CDH13: variants seen among roughly 807,000 people sequenced by gnomAD.
The protein encoded by CDH13 is cadherin 13, also known as cadherin-13.
In CDH13, 24 loss-of-function variants were observed where a neutral mutation model predicts 63.8. That is an observed-to-expected ratio of 0.38 (90% CI 0.27 to 0.53). CDH13 has a LOEUF of 0.53. Ranked by LOEUF, CDH13 falls within the 20% of genes least tolerant of loss-of-function variation. The pLI, the probability that CDH13 is intolerant of heterozygous loss-of-function variation, is 0.85. For missense variants in CDH13, 1,049 were observed against 903.1 expected, an observed-to-expected ratio of 1.16 and a Z score of -2.07; for synonymous variants, 503 against 355.3, an observed-to-expected ratio of 1.42 and a Z score of -4.67.
rs1407762534 is a variant in CDH13 at position 83,047,397 on chromosome 16, C to T, written c.366+15179C>T. Among the ~76,000 whole-genome samples, 5 of 152,144 alleles carry T rather than the reference C, an allele frequency of 3.3e-5. No homozygotes were observed. Among genetic ancestry groups the T allele is most frequent in the Non-Finnish European group, 7.3e-5 (5 of 68,044 alleles). ...GCTTTTTTATTCCAAGTCCCTTATT[C>T]GATTTGGCCCTTGTTAACAAAGCCT... On this transcript the variant is annotated intron_variant, in intron 3 of 13. Transcript: ENST00000567109. This position sits in a 1 kb window ranked among gnomAD's most constrained non-coding sequence, Gnocchi z 4.9.
intron 11 of CDH13, among the ~76,000 whole-genome samples, chr16:83,771,537 A>G (rs1349906828): frequency 3.3e-5 from 5 of 152,188 alleles, no homozygotes; most frequent in East Asian, 1.9e-4. Context: ...CATGAAGCAA[A>G]AGCACCGCCA....
intron 2 of CDH13, among the ~76,000 whole-genome samples, chr16:82,937,073 G>C (rs1180647855): frequency 6.6e-6 from 1 of 152,156 alleles, no homozygotes; most frequent in Non-Finnish European, 1.5e-5. Context: ...GGCAACTGCA[G>C]AGCTCTCCAT....
intron 6 of CDH13, among the ~76,000 whole-genome samples, chr16:83,459,282 G>T (rs571096231): frequency 2.0e-5 from 3 of 152,356 alleles, no homozygotes; most frequent in African/African-American, 7.2e-5. Flanking sequence ...ACCTTTTAAT[G>T]CTTAATGAGC....
chr16:83,623,266 A>G (rs1909977276), intron 8 of CDH13, among the ~76,000 whole-genome samples: 1 of 152,146 alleles, frequency 6.6e-6, no homozygotes, highest in Non-Finnish European at 1.5e-5. Flanking sequence ...CCAGGAAGCC[A>G]TGCATTTCCC....
At chr16:82,736,778 G>A (rs2033695545) in intron 1 of CDH13, among the ~76,000 whole-genome samples, 2 of 152,036 alleles carry the variant, frequency 1.3e-5, no homozygotes, top group Non-Finnish European at 2.9e-5. Context: ...ACTCCTTCGG[G>A]CAATTTGATC....
intron 5 of CDH13, among the ~76,000 whole-genome samples, chr16:83,293,909 A>G (rs1011723538): frequency 4.6e-5 from 7 of 152,184 alleles, no homozygotes; most frequent in Admixed American, 4.6e-4. Context: ...TGCCCTTAGC[A>G]TGTATTATCT....
intron 1 of CDH13, among the ~76,000 whole-genome samples, chr16:82,715,915 A>C (rs530653894): frequency 1.3e-5 from 2 of 152,156 alleles, no homozygotes; most frequent in Non-Finnish European, 2.9e-5. Flanking sequence ...TAGCCACATC[A>C]CAGTGTTACC....
rs541028247 is a variant in CDH13, at chr16:82,643,642, A to G, written c.45+16505A>G. Among the ~76,000 whole-genome samples the G allele has an allele frequency of 5.9e-5, 9 of 152,302 alleles. No individual in the cohort carries two copies. In the South Asian group the frequency reaches 1.0e-3, roughly 18 times the overall value. Reference sequence around the variant, plus strand: ...TGCTGATTTGTAAAGTGAATTAAGAACCATCTTTTGCCTCACTGGTTATTA... The same window carrying G: ...TGCTGATTTGTAAAGTGAATTAAGAGCCATCTTTTGCCTCACTGGTTATTA... On this transcript the variant is annotated intron_variant, in intron 1 of 13. Coordinates refer to ENST00000567109, the MANE Select transcript of CDH13 (RefSeq NM_001257.5).
At chr16:83,010,419 T>G (rs566356108) in intron 2 of CDH13, among the ~76,000 whole-genome samples, 1 of 150,950 alleles carries the variant, frequency 6.6e-6, no homozygotes, top group East Asian at 1.9e-4. Context: ...AATGTAGGGT[T>G]TTTTTGGCCC....
intron 2 of CDH13, among the ~76,000 whole-genome samples, chr16:82,942,499 G>A (rs1273517177): frequency 6.6e-6 from 1 of 152,160 alleles, no homozygotes; most frequent in Non-Finnish European, 1.5e-5. Context: ...TTTGACCTAA[G>A]GGAAGAGGGT....
At chr16:83,421,406 A>G (rs1356205471) in intron 6 of CDH13, among the ~76,000 whole-genome samples, 7 of 152,212 alleles carry the variant, frequency 4.6e-5, no homozygotes, top group Admixed American at 3.9e-4. Flanking sequence ...TCATCATAAT[A>G]TTATGAATCT....
intron 1 of CDH13, among the ~76,000 whole-genome samples, chr16:82,631,974 A>C (rs890609622): frequency 6.6e-6 from 1 of 152,132 alleles, no homozygotes; most frequent in African/African-American, 2.4e-5. Flanking sequence ...CCACAGGCTA[A>C]ATTTAGCCAT....
intron 1 of CDH13, among the ~76,000 whole-genome samples, chr16:82,827,619 T>C (rs2038316222): frequency 6.6e-6 from 1 of 152,150 alleles, no homozygotes. Flanking sequence ...TCTGACCCCT[T>C]TCATCTTTGA....
chr16:83,302,101 C>T (rs1428549642), intron 5 of CDH13, among the ~76,000 whole-genome samples: 14 of 152,106 alleles, frequency 9.2e-5, no homozygotes, highest in Admixed American at 6.6e-4. Context: ...GTGAGTACTA[C>T]GTGATGTAAC....
chr16:82,916,138 A>G (rs1002233340), intron 2 of CDH13, among the ~76,000 whole-genome samples: 8 of 152,198 alleles, frequency 5.3e-5, no homozygotes, highest in African/African-American at 1.7e-4. Flanking sequence ...GTTCAATTCC[A>G]TAAAGCAAGC....
At chr16:82,693,446 G>C (rs1376674213) in intron 1 of CDH13, among the ~76,000 whole-genome samples, 1 of 152,182 alleles carries the variant, frequency 6.6e-6, no homozygotes, top group Non-Finnish European at 1.5e-5. Context: ...TCCTCAGGAA[G>C]ACCACTTCCC....
rs1427085466 is a variant in CDH13 at position 83,658,049 on chromosome 16, GTCCC to G, written c.1102-12740_1102-12737del. Among the ~76,000 whole-genome samples, 39 of 91,242 alleles carry G rather than the reference GTCCC, an allele frequency of 4.3e-4. 1 individual carries two copies. In the East Asian group the frequency reaches 7.4e-3, roughly 17 times the overall value. 59.9% of individuals were successfully genotyped at this position (91,242 alleles called of 152,430 possible). A position where few individuals can be genotyped will look rare whatever the true frequency, so the allele number is the denominator to read the frequency against. On this transcript the variant is annotated intron_variant, in intron 8 of 13. Transcript: ENST00000567109. Reference sequence around the variant, plus strand: ...CAGGTCCCATGTCCTCACCAGCAAGGTCCCATATCCTCACCACCAGGTGCCATGT... The same window carrying G: ...CAGGTCCCATGTCCTCACCAGCAAGGATATCCTCACCACCAGGTGCCATGT...
chr16:82,890,087 A>T (rs946257601), intron 2 of CDH13, among the ~76,000 whole-genome samples: 1 of 152,214 alleles, frequency 6.6e-6, no homozygotes, highest in Non-Finnish European at 1.5e-5. Context: ...CATATGTTTC[A>T]GTAAGTCTCC....
chr16:83,069,463 C>T (rs1383998174), intron 3 of CDH13, among the ~76,000 whole-genome samples: 2 of 152,152 alleles, frequency 1.3e-5, no homozygotes, highest in Non-Finnish European at 2.9e-5. Context: ...ATGTATGTAA[C>T]AGCCCCCCCT....
Sources: gnomAD v4.1 joint callset for allele counts (sites outside exome capture counted in the v4.1 genomes callset) on GRCh38, gnomAD v4.1.1 for gene constraint, Gnocchi (gnomAD v3.1) non-coding constraint, MANE v1.5 for transcripts, NCBI Gene and HGNC (gene_info 2026-07-23, HGNC 2026-07-21) for gene names.